Variants in MAP2K6 observed in about 807,000 individuals in gnomAD.
MAP2K6 encodes the protein dual specificity mitogen-activated protein kinase kinase 6.
Under a neutral mutation model 53.7 loss-of-function variants are expected in MAP2K6, and 16 were observed. The ratio of observed to expected loss-of-function variants is 0.30; its 90% CI spans 0.20 to 0.45. The LOEUF (loss-of-function observed/expected upper bound fraction) is 0.45, where lower values mean the gene tolerates loss of function less well. Ranked by LOEUF, MAP2K6 falls within the 20% of genes least tolerant of loss-of-function variation. The probability of loss-of-function intolerance (pLI) is 1.00; values close to 1 mark genes in which losing one functional copy is unlikely to be tolerated. For synonymous variants in MAP2K6, 132 were observed against 143.1 expected (o/e 0.92, Z 0.55); for missense variants, 204 against 411.9 (o/e 0.50, Z 4.37).
intron 1 of MAP2K6, among the ~76,000 whole-genome samples, chr17:69,503,490 C>A (rs1909277196): frequency 6.6e-6 from 1 of 152,146 alleles, no homozygotes; most frequent in Admixed American, 6.5e-5. Flanking sequence ...TTATAAAATA[C>A]ATAAGTAAAC....
intron 10 of MAP2K6, among the ~76,000 whole-genome samples, chr17:69,531,209 G>C (rs1296238807): frequency 6.6e-6 from 1 of 152,138 alleles, no homozygotes; most frequent in Non-Finnish European, 1.5e-5. Context: ...TTTCAAGATA[G>C]ATACATCTAT....
At chr17:69,423,194 G>A (rs891761045) in intron 1 of MAP2K6, among the ~76,000 whole-genome samples, 5 of 152,092 alleles carry the variant, frequency 3.3e-5, no homozygotes, top group Admixed American at 6.5e-5. Context: ...AGCCTCAGCT[G>A]TTTTTAAGTA....
rs1265667393 is a variant in MAP2K6 at position 69,545,209 on chromosome 17, C to T, written c.*3456C>T. 8 of 152,142 alleles carry T rather than the reference C, an allele frequency of 5.3e-5. No homozygotes were observed. The South Asian group carries it at 8.3e-4, about 16-fold the overall frequency. The allele number at this position is 152,142 out of a possible 1,614,324, so 9.4% of individuals were successfully genotyped here. On this transcript the variant is annotated 3_prime_UTR_variant, in exon 12 of 12. Coordinates refer to ENST00000590474, the MANE Select transcript of MAP2K6 (RefSeq NM_002758.4). Reference sequence around the variant, plus strand: ...TTATTTTTAACCAGAGTCATTCTTCCACCAGAATAAGTGTAATCTCCCAAA... The same window carrying T: ...TTATTTTTAACCAGAGTCATTCTTCTACCAGAATAAGTGTAATCTCCCAAA...
chr17:69,423,058 T>C (rs1451450247), intron 1 of MAP2K6, among the ~76,000 whole-genome samples: 5 of 152,092 alleles, frequency 3.3e-5, no homozygotes, highest in Admixed American at 3.3e-4. Flanking sequence ...TAATTTTTTG[T>C]ATTTTTAGTA....
chr17:69,478,458 G>T (rs1408882166), intron 1 of MAP2K6, among the ~76,000 whole-genome samples: 2 of 152,168 alleles, frequency 1.3e-5, no homozygotes, highest in African/African-American at 2.4e-5. Flanking sequence ...TTGAGACCGA[G>T]TTTCACTCTT....
chr17:69,446,641 T>C (rs555141410), intron 1 of MAP2K6, among the ~76,000 whole-genome samples: 74 of 152,288 alleles, frequency 4.9e-4, no homozygotes, highest in African/African-American at 1.7e-3. Flanking sequence ...ACAGAAGTAG[T>C]TAATTGCAGA....
intron 1 of MAP2K6, among the ~76,000 whole-genome samples, chr17:69,498,585 T>C (rs1340237809): frequency 1.3e-5 from 2 of 151,564 alleles, no homozygotes; most frequent in Non-Finnish European, 2.9e-5. Flanking sequence ...TTTAAGACTT[T>C]TTAGCACTTA....
rs78656873 is a variant in MAP2K6 at position 69,483,256 on chromosome 17, G to T, written c.17-22524G>T. Among the ~76,000 whole-genome samples the T allele has an allele frequency of 1.0e-3, 152 of 151,972 alleles. 1 individual carries two copies. The East Asian group carries it at 0.017, about 17-fold the overall frequency. ...GCACTTACAAGCAAGTTCAGCAAGG[G>T]TGCAGGATACAAGATTAACATACAA... On this transcript the variant is annotated intron_variant, in intron 1 of 11. Transcript: ENST00000590474.
chr17:69,526,503 A>C, intron 9 of MAP2K6, 67 bp from the exon 10 acceptor site: 1 of 1,557,694 alleles, frequency 6.4e-7, no homozygotes, highest in Non-Finnish European at 8.7e-7. Flanking sequence ...TCCACAAATG[A>C]AACGTGGGTG....
chr17:69,514,464 T>C (rs1408566497), intron 2 of MAP2K6, among the ~76,000 whole-genome samples: 2 of 152,216 alleles, frequency 1.3e-5, no homozygotes, highest in East Asian at 1.9e-4. Flanking sequence ...TAAGAAACTT[T>C]AAGTATTCTA....
At chr17:69,497,555 T>C (rs1224351327) in intron 1 of MAP2K6, among the ~76,000 whole-genome samples, 5 of 151,804 alleles carry the variant, frequency 3.3e-5, no homozygotes, top group African/African-American at 1.2e-4. Flanking sequence ...GGATGTGGCA[T>C]GATGTTCCTC....
intron 8 of MAP2K6, 54 bp downstream of exon 8, chr17:69,523,695 C>G (rs1910611067): frequency 1.3e-6 from 2 of 1,595,776 alleles, no homozygotes; most frequent in Non-Finnish European, 1.7e-6. Context: ...ACAAATCATG[C>G]TGGGAAACAA....
intron 1 of MAP2K6, among the ~76,000 whole-genome samples, chr17:69,466,287 CAAA>C (rs35116857): frequency 2.2e-5 from 2 of 89,638 alleles, no homozygotes; most frequent in Non-Finnish European, 2.3e-5. Context: ...GAGACTGTCT[CAAA>C]AAAAAAAAAA....
At position 69,439,637 on chromosome 17, in the gene MAP2K6, G is replaced by C. The variant is rs149791140; in HGVS notation, c.16+24637G>C. Among the ~76,000 whole-genome samples the C allele has an allele frequency of 8.9e-3, 1,349 of 152,272 alleles. 17 individuals are homozygous for C. The highest frequency in any genetic ancestry group is 0.03 in the African/African-American group (1,262 of 41,548). On this transcript the variant is annotated intron_variant, in intron 1 of 11. Coordinates refer to ENST00000590474, the MANE Select transcript of MAP2K6 (RefSeq NM_002758.4). Reference sequence around the variant, plus strand: ...TGATCAAAGGGACTTTACTTCTCTTGTCTGATGTTATCTTTGCTCTCTGTG... The same window carrying C: ...TGATCAAAGGGACTTTACTTCTCTTCTCTGATGTTATCTTTGCTCTCTGTG...
At chr17:69,520,827 C>A (rs769952390) in intron 6 of MAP2K6, 4 of 462,652 alleles carry the variant, frequency 8.6e-6, no homozygotes, top group African/African-American at 8.1e-5. Flanking sequence ...ATGAACAAGA[C>A]AGATGAGGGA....
Position 69,547,910 on chromosome 17 carries a change from C to G in MAP2K6, c.*6157C>G, listed in dbSNP as rs527809299. On this transcript the variant is annotated 3_prime_UTR_variant, in exon 12 of 12. Coordinates refer to ENST00000590474, the MANE Select transcript of MAP2K6 (RefSeq NM_002758.4). ...ACAAGGAGAATCACGAACCCAGACA[C>G]TAGTCAATCTCTCTATTCCCTGACT... 2 of 152,322 alleles carry G rather than the reference C, an allele frequency of 1.3e-5. No homozygotes were observed. Among genetic ancestry groups the G allele is most frequent in the East Asian group, 1.9e-4 (1 of 5,180 alleles). 9.4% of individuals were successfully genotyped at this position (152,322 alleles called of 1,614,324 possible).
At chr17:69,467,249 C>G (rs1907844271) in intron 1 of MAP2K6, among the ~76,000 whole-genome samples, 1 of 152,140 alleles carries the variant, frequency 6.6e-6, no homozygotes, top group African/African-American at 2.4e-5. Flanking sequence ...TGAATAGGTA[C>G]AAGAAGAGAC....
intron 2 of MAP2K6, among the ~76,000 whole-genome samples, chr17:69,509,985 G>A (rs1474043186): frequency 1.3e-5 from 2 of 152,078 alleles, no homozygotes; most frequent in East Asian, 1.9e-4. Context: ...TGGAACTACA[G>A]GTACATGCCA....
intron 2 of MAP2K6, among the ~76,000 whole-genome samples, chr17:69,513,562 T>G (rs533370399): frequency 6.6e-6 from 1 of 152,312 alleles, no homozygotes; most frequent in South Asian, 2.1e-4. Flanking sequence ...TCAGCAAACT[T>G]TTTTGTAAAA....
Sources: allele counts gnomAD v4.1 joint callset (sites outside exome capture counted in the v4.1 genomes callset), GRCh38; gene constraint gnomAD v4.1.1; transcripts MANE v1.5; gene names NCBI Gene and HGNC (gene_info 2026-07-23, HGNC 2026-07-21).